SCAP: variants seen among roughly 807,000 people sequenced by gnomAD.
The protein encoded by SCAP is sterol regulatory element-binding protein cleavage-activating protein.
Under a neutral mutation model 123.6 loss-of-function variants are expected in SCAP, and 65 were observed. The observed-to-expected ratio is 0.53, with a 90% CI of 0.43 to 0.65. SCAP has a LOEUF of 0.65. SCAP is among the 30% of genes least tolerant of loss of function. The pLI is 0.00. For missense variants in SCAP, 1,398 were observed against 1,712.5 expected (o/e 0.82, Z 3.24); for synonymous variants, 740 against 726.3 (o/e 1.02, Z -0.30).
intron 1 of SCAP, among the ~76,000 whole-genome samples, chr3:47,464,311 A>T (rs1229901735): frequency 6.6e-6 from 1 of 151,322 alleles, no homozygotes. Context: ...CCACTGCACC[A>T]GGCTTTTTTT....
At chr3:47,429,123 A>G (rs1706259614) in intron 3 of SCAP, 2 of 160,412 alleles carry the variant, frequency 1.2e-5, no homozygotes, top group African/African-American at 4.8e-5. Flanking sequence ...AACCTTTCCT[A>G]ATAAAATTAC....
rs1310677796 is a variant in SCAP, at chr3:47,425,590, G to A, written c.932C>T (p.Ser311Phe). 7 of 1,614,096 alleles carry A rather than the reference G, an allele frequency of 4.3e-6. No homozygotes were observed. The highest frequency in any genetic ancestry group is 5.1e-6 in the Non-Finnish European group (6 of 1,180,046). The change falls in exon 8 of 23, where the codon TCC (serine) becomes TTC (phenylalanine). Residue 311 changes from serine (S) to phenylalanine (F), a missense_variant. Around this residue, in one of 7 missense-constraint regions of SCAP, gnomAD observed 319 missense variants for 432.4 expected, o/e 0.74. Transcript: ENST00000265565. The part of the protein sequence containing the change: ...FSTRKIDMVK[S>F]KWGLALAAVV... ...GGCAGCCAGGGCCAGCCCCCACTTG[G>A]ACTTGACCATGTCGATCTTCCCTGG... is the stretch of plus-strand genomic sequence containing the variant.
intron 1 of SCAP, among the ~76,000 whole-genome samples, chr3:47,472,082 A>G (rs1320664639): frequency 6.7e-6 from 1 of 149,860 alleles, no homozygotes; most frequent in African/African-American, 2.5e-5. Context: ...GATAGCATCA[A>G]TGCACTCCAG....
At chr3:47,451,982 C>T (rs1471029249) in intron 1 of SCAP, among the ~76,000 whole-genome samples, 1 of 152,212 alleles carries the variant, frequency 6.6e-6, no homozygotes. Flanking sequence ...CCTCTATTCC[C>T]TCTTCTCTTT....
At chr3:47,416,816 C>T (rs969592399) in intron 18 of SCAP, among the ~76,000 whole-genome samples, 2 of 151,052 alleles carry the variant, frequency 1.3e-5, no homozygotes, top group South Asian at 2.1e-4. Context: ...TTAGTAGAGA[C>T]GGGGTTTCAC....
At chr3:47,414,444 G>A (rs1318604975) in intron 21 of SCAP, 58 bp from the exon 22 acceptor site, 1 of 1,603,976 alleles carries the variant, frequency 6.2e-7, no homozygotes, top group East Asian at 2.2e-5. Context: ...TGTCAACAGT[G>A]GTGTCCCTGT....
chr3:47,421,057 G>C, intron 10 of SCAP, 28 bp from the exon 11 acceptor site: 1 of 1,582,648 alleles, frequency 6.3e-7, no homozygotes, highest in Non-Finnish European at 8.7e-7. Flanking sequence ...GGGGATGGGG[G>C]GGTGCCGTGA....
Position 47,414,662 on chromosome 3 carries a change from G to C in SCAP, c.3307-10C>G. ...CCTCCAGACGGAACACCTGGGACAG[G>C]GATGGGCCTCAGGTTCTGGTCTCTG... On this transcript the variant is annotated splice_polypyrimidine_tract_variant and intron_variant, in intron 20 of 22. Transcript: ENST00000265565. 4.3e-6 allele frequency: 7 copies of C among 1,613,202 alleles called. No homozygotes were observed. Among genetic ancestry groups the C allele is most frequent in the Non-Finnish European group, 5.9e-6 (7 of 1,179,972 alleles).
chr3:47,444,264 G>C (rs1706937681), intron 1 of SCAP, among the ~76,000 whole-genome samples: 1 of 152,104 alleles, frequency 6.6e-6, no homozygotes, highest in African/African-American at 2.4e-5. Flanking sequence ...CTGTGCTAGA[G>C]GGAACCTGCC....
At chr3:47,425,886 G>A in intron 7 of SCAP, 111 bp downstream of exon 7, 1 of 1,227,056 alleles carries the variant, frequency 8.1e-7, no homozygotes, top group Non-Finnish European at 1.1e-6. Context: ...ATGACCACCA[G>A]GTGTGTTCTA....
In SCAP at chr3:47,432,241, C is replaced by T. The variant is rs186530575; in HGVS notation, c.252+2767G>A. Among the ~76,000 whole-genome samples the T allele has an allele frequency of 1.5e-3, 223 of 149,646 alleles. 2 individuals are homozygous for T. The highest frequency in any genetic ancestry group is 5.2e-3 in the African/African-American group (210 of 40,520). ...CTGAGGCAGGGGAATCACTTGAACCCGGGAGGCGGAGGTTCCAGTGAGCTG... is the reference window on the plus strand; with the variant it reads ...CTGAGGCAGGGGAATCACTTGAACCTGGGAGGCGGAGGTTCCAGTGAGCTG... On this transcript the variant is annotated intron_variant, in intron 3 of 22. Coordinates refer to ENST00000265565, the MANE Select transcript of SCAP (RefSeq NM_012235.4).
intron 21 of SCAP, 75 bp downstream of exon 21, chr3:47,414,497 G>A: frequency 1.2e-6 from 2 of 1,600,614 alleles, no homozygotes; most frequent in Admixed American, 3.3e-5. Context: ...GAAGGCCCCT[G>A]GGGACCAGCT....
intron 4 of SCAP, 149 bp from the exon 5 acceptor site, chr3:47,427,816 GA>G: frequency 2.9e-6 from 2 of 679,260 alleles, no homozygotes; most frequent in South Asian, 1.9e-5. Flanking sequence ...GCAGCAGGGG[GA>G]AGTACTTCCA....
chr3:47,451,394 CTTT>C (rs10712274), intron 1 of SCAP, among the ~76,000 whole-genome samples: 14 of 41,360 alleles, frequency 3.4e-4, no homozygotes, highest in Admixed American at 1.2e-3. Context: ...CCTGGAATGC[CTTT>C]TTTTTTTTTT....
chr3:47,425,354 T>G (rs1706078586), intron 8 of SCAP, 131 bp downstream of exon 8: 2 of 1,001,256 alleles, frequency 2.0e-6, no homozygotes, highest in Non-Finnish European at 2.8e-6. Context: ...AATGTACCTC[T>G]TAAATGTCAA....
At position 47,414,581 on chromosome 3, in the gene SCAP, G is replaced by A. The variant is rs763697731; in HGVS notation, c.3378C>T (p.Tyr1126=). The stretch of plus-strand genomic sequence containing the variant: ...CCTGCAGGCCGCTTACCTGGTCAAT[G>A]TACACGGTCGTGATGGCCCCTGAGT... The part of the protein sequence containing the change: ...QGHSGAITTV[Y]IDQTMVLASG... The change falls in exon 21 of 23, where the codon TAC becomes TAT. Residue 1126 remains tyrosine, a synonymous_variant. Transcript: ENST00000265565. 9.3e-6 allele frequency: 15 copies of A among 1,613,482 alleles called. 1 individual carries two copies. Among genetic ancestry groups the A allele is most frequent in the Middle Eastern group, 3.3e-4 (2 of 6,062 alleles).
Position 47,443,098 on chromosome 3 carries a change from A to T in SCAP, c.-98-7T>A. ...GAACAACATGTGCAGGTACCTGGTA[A>T]GAAGGGAGAAAAGCCAGTTAACAAA... On this transcript the variant is annotated splice_region_variant and splice_polypyrimidine_tract_variant and intron_variant, in intron 1 of 22. Coordinates refer to ENST00000265565, the MANE Select transcript of SCAP (RefSeq NM_012235.4). 1 of 1,550,948 alleles carries T rather than the reference A, an allele frequency of 6.4e-7. No individual in the cohort carries two copies. Among genetic ancestry groups the T allele is most frequent in the Non-Finnish European group, 8.7e-7 (1 of 1,147,760 alleles).
chr3:47,445,214 T>C (rs534572987), intron 1 of SCAP, among the ~76,000 whole-genome samples: 1 of 152,176 alleles, frequency 6.6e-6, no homozygotes, highest in East Asian at 1.9e-4. Context: ...CTAACATTCC[T>C]GTATTTGTTT....
At chr3:47,427,700 G>A in intron 4 of SCAP, 33 bp from the exon 5 acceptor site, 1 of 1,588,238 alleles carries the variant, frequency 6.3e-7, no homozygotes, top group Non-Finnish European at 8.6e-7. Flanking sequence ...CACCTGCTGT[G>A]TCTGCCACCA....
Sources: gnomAD v4.1 joint callset for allele counts (sites outside exome capture counted in the v4.1 genomes callset) on GRCh38, gnomAD v4.1.1 for gene constraint, gnomAD v4.1.1 regional missense constraint, MANE v1.5 for transcripts, NCBI Gene and HGNC (gene_info 2026-07-23, HGNC 2026-07-21) for gene names.